PCNX2: variants seen among roughly 807,000 people sequenced by gnomAD.
PCNX2 encodes pecanex 2.
In PCNX2, 168 loss-of-function variants were observed where a neutral mutation model predicts 223.8. That is an observed-to-expected ratio of 0.75 (90% confidence interval 0.66 to 0.85). The LOEUF (loss-of-function observed/expected upper bound fraction) is 0.85. Ranked by LOEUF, PCNX2 falls within the 40% of genes least tolerant of loss-of-function variation. The pLI is 0.00. For missense variants in PCNX2, 2,507 were observed against 2,675.5 expected (o/e 0.94, Z 1.39); for synonymous variants, 1,006 against 1,052.6 (o/e 0.96, Z 0.86).
intron 1 of PCNX2, among the ~76,000 whole-genome samples, chr1:233,291,405 T>C (rs1572214124): frequency 6.6e-6 from 1 of 151,594 alleles, no homozygotes; most frequent in Non-Finnish European, 1.5e-5. Context: ...ATGTCGGGAG[T>C]TCAAGACCAG....
chr1:233,052,840 T>C (rs1268599978), intron 25 of PCNX2, among the ~76,000 whole-genome samples: 1 of 151,986 alleles, frequency 6.6e-6, no homozygotes, highest in Non-Finnish European at 1.5e-5. Flanking sequence ...GGCTTCCCTG[T>C]TTTAGTAAAC....
rs1265990968 is a variant in PCNX2, at chr1:232,986,254, G to C, written c.6078C>G (p.Ser2026Arg). ...TGCCGAAGAGGAAGCTCAGGGTGGA[G>C]CTGGTGGAGGAGCCCAGGCTGGACC... ...LIRSSLGSST[S>R]STLSFLFGKR... Residue 2026 changes from serine (S) to arginine (R), a missense_variant, in exon 33 of 34, where the codon AGC becomes AGG. Around this residue, in one of 3 missense-constraint regions of PCNX2, gnomAD observed 1,372 missense variants for 1,509.4 expected, o/e 0.91. Transcript: ENST00000258229. 6.4e-7 allele frequency: 1 copy of C among 1,560,746 alleles called. No individual in the cohort carries two copies. The highest frequency in any genetic ancestry group is 1.4e-5 in the African/African-American group (1 of 73,570).
chr1:233,020,949 A>G (rs1488893735), intron 26 of PCNX2, among the ~76,000 whole-genome samples: 1 of 152,194 alleles, frequency 6.6e-6, no homozygotes, highest in Admixed American at 6.5e-5. Flanking sequence ...AAAATAATAA[A>G]CAGAATGAAA....
chr1:233,241,482 CA>C (rs1658761770), intron 8 of PCNX2: 2 of 749,596 alleles, frequency 2.7e-6, no homozygotes, highest in Admixed American at 1.3e-4. Context: ...GTGAAAGGAG[CA>C]AAGAGTAAAA....
In PCNX2 at chr1:233,025,347, C is replaced by T; in HGVS notation, c.4404G>A (p.Glu1468=). 1 of 1,614,004 alleles carries T rather than the reference C, an allele frequency of 6.2e-7. No individual in the cohort carries two copies. The highest frequency in any genetic ancestry group is 1.3e-5 in the African/African-American group (1 of 75,048). The change falls in exon 26 of 34, where the codon GAG becomes GAA. Residue 1468 remains glutamate (E), a synonymous_variant. Transcript: ENST00000258229. ...GTTTGCAGCAGCAGCAGCCTCTGTC[C>T]TCCTCGTCGCCCTCCATGATGGCTT... ...EVEAIMEGDE[E]DRGCCCCKPG...
chr1:233,228,308 G>A (rs888757701), intron 9 of PCNX2, among the ~76,000 whole-genome samples: 1 of 152,076 alleles, frequency 6.6e-6, no homozygotes, highest in African/African-American at 2.4e-5. Context: ...AGATACCCCA[G>A]CCCCCTGCAG....
At chr1:233,156,424 T>G (rs2102812828) in intron 19 of PCNX2, among the ~76,000 whole-genome samples, 1 of 152,266 alleles carries the variant, frequency 6.6e-6, no homozygotes, top group Admixed American at 6.5e-5. Context: ...TAAACGCAGT[T>G]CAGCATTTGT....
intron 15 of PCNX2, among the ~76,000 whole-genome samples, chr1:233,189,389 T>A (rs1680292772): frequency 6.6e-6 from 1 of 152,206 alleles, no homozygotes; most frequent in African/African-American, 2.4e-5. Context: ...ATATTTATAC[T>A]TCAAGTGTGG....
intron 13 of PCNX2, chr1:233,201,450 A>T (rs947504456): frequency 4.6e-5 from 7 of 152,240 alleles, no homozygotes; most frequent in African/African-American, 1.7e-4. Context: ...AAGGAGAGAT[A>T]CAAGAAATAA....
chr1:233,196,621 C>T (rs1262809091), intron 15 of PCNX2, among the ~76,000 whole-genome samples: 1 of 152,070 alleles, frequency 6.6e-6, no homozygotes, highest in Admixed American at 6.5e-5. Flanking sequence ...CAACACTATT[C>T]ATTATTGGAG....
intron 17 of PCNX2, among the ~76,000 whole-genome samples, chr1:233,167,418 A>AG (rs1420970982): frequency 6.6e-6 from 1 of 152,188 alleles, no homozygotes; most frequent in Non-Finnish European, 1.5e-5. Flanking sequence ...GGGGAGGTAG[A>AG]GATGGGGATA....
At chr1:233,086,354 A>G (rs757252887) in intron 23 of PCNX2, among the ~76,000 whole-genome samples, 82 of 152,190 alleles carry the variant, frequency 5.4e-4, no homozygotes, top group Admixed American at 3.3e-4. Flanking sequence ...TTAAAAGTAA[A>G]TGGAATTTAA....
At chr1:233,096,524 A>G (rs2102949790) in intron 21 of PCNX2, among the ~76,000 whole-genome samples, 1 of 152,144 alleles carries the variant, frequency 6.6e-6, no homozygotes. Context: ...AGATCTCTGC[A>G]TTGTGGTAAG....
In PCNX2 at chr1:233,000,565, G is replaced by A. The variant is rs770930185; in HGVS notation, c.5098-30C>T. The stretch of plus-strand genomic sequence containing the variant: ...TGGGAAGAAGTGTGGGTGTGGGCTG[G>A]GCAAGGACCAGAGGAACTCACCCCC... On this transcript the variant is annotated intron_variant, in intron 29 of 33. Transcript: ENST00000258229. The surrounding 1 kb of genome is among the most constrained non-coding windows in gnomAD (Gnocchi z 4.6). 2 of 1,542,868 alleles carry A rather than the reference G, an allele frequency of 1.3e-6. No homozygotes were observed. The highest frequency in any genetic ancestry group is 1.7e-6 in the Non-Finnish European group (2 of 1,147,434).
chr1:233,037,340 A>G (rs1331611125), intron 25 of PCNX2, among the ~76,000 whole-genome samples: 1 of 151,774 alleles, frequency 6.6e-6, no homozygotes, highest in African/African-American at 2.4e-5. Context: ...ATTTTATTTT[A>G]TGTTTTGTAG....
chr1:233,144,591 A>C (rs1677315551), intron 19 of PCNX2, among the ~76,000 whole-genome samples: 1 of 152,164 alleles, frequency 6.6e-6, no homozygotes, highest in African/African-American at 2.4e-5. Context: ...GTAGAGTGGT[A>C]TCATATTATG....
intron 25 of PCNX2, among the ~76,000 whole-genome samples, chr1:233,044,203 C>T (rs1671746673): frequency 6.6e-6 from 1 of 152,130 alleles, no homozygotes; most frequent in South Asian, 2.1e-4. Flanking sequence ...GCATAAATGT[C>T]TTCTTTTGAG....
intron 25 of PCNX2, among the ~76,000 whole-genome samples, chr1:233,040,582 C>T (rs1671608248): frequency 6.6e-6 from 1 of 152,166 alleles, no homozygotes; most frequent in Admixed American, 6.5e-5. Context: ...TCAGACCATT[C>T]TCTCACCCTA....
At chr1:233,181,119 C>A (rs1010287912) in intron 15 of PCNX2, 1 of 152,012 alleles carries the variant, frequency 6.6e-6, no homozygotes, top group African/African-American at 2.4e-5. Flanking sequence ...CTGAGCCCAA[C>A]TCTCCCCTCA....
Sources: allele counts gnomAD v4.1 joint callset (sites outside exome capture counted in the v4.1 genomes callset), GRCh38; gene constraint gnomAD v4.1.1; regional missense constraint gnomAD v4.1.1; non-coding constraint Gnocchi (gnomAD v3.1); transcripts MANE v1.5; gene names NCBI Gene and HGNC (gene_info 2026-07-23, HGNC 2026-07-21).